CPVL: variants seen among roughly 807,000 people sequenced by gnomAD.
CPVL encodes the protein carboxypeptidase vitellogenic like, also known as probable serine carboxypeptidase CPVL.
Under a neutral mutation model 63.7 loss-of-function variants are expected in CPVL, and 51 were observed. That is an observed-to-expected ratio of 0.80 (90% confidence interval 0.64 to 1.01). The LOEUF (loss-of-function observed/expected upper bound fraction) is 1.01, where lower values mean the gene tolerates loss of function less well. Among genes scored for constraint, CPVL ranks in the 50% least tolerant of loss-of-function variants. The probability of loss-of-function intolerance (pLI) is 0.00; values close to 1 mark genes in which losing one functional copy is unlikely to be tolerated. For synonymous variants in CPVL, 195 were observed against 206.0 expected (o/e 0.95, Z 0.46); for missense variants, 530 against 573.1 (o/e 0.92, Z 0.77).
intron 12 of CPVL, among the ~76,000 whole-genome samples, chr7:29,021,767 G>C (rs1018327596): frequency 5.3e-5 from 8 of 151,872 alleles, no homozygotes; most frequent in African/African-American, 1.9e-4. Flanking sequence ...GATTCAAGCA[G>C]CTACGGCATG....
intron 5 of CPVL, among the ~76,000 whole-genome samples, chr7:29,167,308 A>T (rs1796043097): frequency 6.6e-6 from 1 of 152,192 alleles, no homozygotes; most frequent in South Asian, 2.1e-4. Context: ...ATGTTTCTGA[A>T]ATTCAACCAG....
At chr7:29,116,912 T>C (rs932227237) in intron 2 of CPVL, among the ~76,000 whole-genome samples, 1 of 152,218 alleles carries the variant, frequency 6.6e-6, no homozygotes, top group Non-Finnish European at 1.5e-5. Flanking sequence ...AAATGTTCCA[T>C]TGCAATAATA....
chr7:28,995,485 T>A lies in CPVL; in HGVS notation c.*287A>T, dbSNP rs1269442344. On this transcript the variant is annotated 3_prime_UTR_variant, in exon 13 of 13. Transcript: ENST00000265394. ...CTTAGAAGAAATTAAAACTTCCTAT[T>A]CAAGACCCTAAAATTTCATTTATAC... 1.0e-5 allele frequency: 3 copies of A among 291,578 alleles called. No individual in the cohort carries two copies. The highest frequency in any genetic ancestry group is 1.9e-5 in the Non-Finnish European group (3 of 160,100). The allele number at this position is 291,578 out of a possible 1,614,324, so 18.1% of individuals were successfully genotyped here.
intron 12 of CPVL, among the ~76,000 whole-genome samples, chr7:29,023,008 C>T (rs999892841): frequency 3.9e-5 from 6 of 152,254 alleles, no homozygotes; most frequent in South Asian, 2.1e-4. Flanking sequence ...ATATGTACCA[C>T]CTTGGGGCTG....
intron 3 of CPVL, among the ~76,000 whole-genome samples, chr7:29,185,317 C>T (rs1374646789): frequency 1.3e-5 from 2 of 152,172 alleles, no homozygotes; most frequent in Non-Finnish European, 2.9e-5. Context: ...TTTTAAAGAT[C>T]ATAACATGGA....
chr7:29,074,190 T>C (rs1243229471), intron 7 of CPVL, among the ~76,000 whole-genome samples: 1 of 152,154 alleles, frequency 6.6e-6, no homozygotes, highest in Non-Finnish European at 1.5e-5. Flanking sequence ...TAAAACAATA[T>C]CATTTATGTA....
intron 5 of CPVL, among the ~76,000 whole-genome samples, chr7:29,167,064 C>A (rs62444097): frequency 0.066 from 10,012 of 152,044 alleles, 473 homozygotes; most frequent in East Asian, 0.24. Context: ...GTTTACAACT[C>A]CAAACAACTT....
rs750959204 is a variant in CPVL, at chr7:29,030,594, C to T, written c.1303G>A (p.Ala435Thr). 1 of 1,612,482 alleles carries T rather than the reference C, an allele frequency of 6.2e-7. No homozygotes were observed. The highest frequency in any genetic ancestry group is 8.5e-7 in the Non-Finnish European group (1 of 1,179,266). ...CTTCCTACCTGATGGAAGTCACCCG[C>T]TTGCCGGATGTAACCAGCCACTTCA... ...DSEVAGYIRQ[A>T]GDFHQVIIRG... is the part of the protein sequence containing the mutation. Residue 435 changes from alanine to threonine, a missense_variant, in exon 12 of 13, where the codon GCG becomes ACG. Physicochemically the swap from Ala to Thr is moderately conservative, Grantham distance 58. Transcript: ENST00000265394.
At chr7:29,095,222 C>G (rs1346225985) in intron 4 of CPVL, 80 bp from the exon 5 acceptor site, 2 of 1,146,804 alleles carry the variant, frequency 1.7e-6, no homozygotes, top group Non-Finnish European at 2.6e-6. Context: ...AGAAGCCCAA[C>G]ACACCCCACG....
intron 5 of CPVL, among the ~76,000 whole-genome samples, chr7:29,158,157 T>C (rs1466214142): frequency 2.6e-5 from 4 of 152,210 alleles, no homozygotes; most frequent in Non-Finnish European, 5.9e-5. Flanking sequence ...GTAGGAAGGT[T>C]TCCTTAGAGT....
At chr7:29,108,483 T>C (rs1584284749) in intron 3 of CPVL, among the ~76,000 whole-genome samples, 1 of 152,214 alleles carries the variant, frequency 6.6e-6, no homozygotes, top group Admixed American at 6.5e-5. Flanking sequence ...TTAATCCACC[T>C]TGATGGCTGG....
exon 1 of CPVL, chr7:29,195,143 C>A: frequency 1.4e-6 from 1 of 721,482 alleles, no homozygotes; most frequent in East Asian, 3.4e-5. Flanking sequence ...GTTTGGTTCG[C>A]CAGCACCTCG....
intron 3 of CPVL, among the ~76,000 whole-genome samples, chr7:29,097,466 G>A (rs1207755975): frequency 3.9e-5 from 6 of 152,152 alleles, no homozygotes; most frequent in Non-Finnish European, 8.8e-5. Context: ...AGGCCAAGGC[G>A]GGTGGATCAC....
rs147215355 is a variant in CPVL, at chr7:29,051,088, T to C, written c.1137+12973A>G. ...AACTGGATCCTCATCTCTCACCTTA[T>C]ATAAAAATCAACTCAAGATTGATTA... On this transcript the variant is annotated intron_variant, in intron 11 of 12. Transcript: ENST00000265394. Among the ~76,000 whole-genome samples, 1,289 of 152,288 alleles carry C rather than the reference T, an allele frequency of 8.5e-3. 5 individuals carry two copies. The highest frequency in any genetic ancestry group is 0.011 in the Admixed American group (171 of 15,284).
intron 10 of CPVL, among the ~76,000 whole-genome samples, chr7:29,065,317 G>C (rs1411657403): frequency 6.6e-6 from 1 of 152,062 alleles, no homozygotes; most frequent in South Asian, 2.1e-4. Flanking sequence ...CTGCAGCATT[G>C]GCGAATTCCA....
At chr7:29,017,074 G>A (rs562867360) in intron 12 of CPVL, among the ~76,000 whole-genome samples, 18 of 152,196 alleles carry the variant, frequency 1.2e-4, no homozygotes, top group African/African-American at 4.1e-4. Context: ...CACACTCCTT[G>A]TCTACTATCC....
At chr7:29,039,335 A>C (rs1788845019) in intron 11 of CPVL, among the ~76,000 whole-genome samples, 2 of 152,190 alleles carry the variant, frequency 1.3e-5, no homozygotes, top group African/African-American at 4.8e-5. Context: ...TATGCCTCTG[A>C]GGGGTAAATA....
intron 5 of CPVL, among the ~76,000 whole-genome samples, chr7:29,164,944 C>T (rs1306587575): frequency 1.3e-5 from 2 of 152,156 alleles, no homozygotes; most frequent in Admixed American, 6.5e-5. Context: ...GTCTTGATTA[C>T]CATAGCTCCA....
chr7:29,129,288 G>A (rs1253212764), intron 1 of CPVL, among the ~76,000 whole-genome samples: 1 of 152,066 alleles, frequency 6.6e-6, no homozygotes, highest in Admixed American at 6.6e-5. Context: ...AATGGCTAAG[G>A]GAAAGAAAAG....
Sources: allele counts gnomAD v4.1 joint callset (sites outside exome capture counted in the v4.1 genomes callset), GRCh38; gene constraint gnomAD v4.1.1; transcripts MANE v1.5; gene names NCBI Gene and HGNC (gene_info 2026-07-23, HGNC 2026-07-21).